Variants in SH2D3A observed in about 807,000 individuals in gnomAD.
The protein encoded by SH2D3A is SH2 domain containing 3A.
In SH2D3A, 46 loss-of-function variants were observed where a neutral mutation model predicts 50.6. That is an observed-to-expected ratio of 0.91 (90% CI 0.72 to 1.16). The LOEUF (loss-of-function observed/expected upper bound fraction) is 1.16, where lower values mean the gene tolerates loss of function less well. Ranked by LOEUF, SH2D3A falls within the 50% of genes most tolerant of loss-of-function variation. The pLI is 0.00. For synonymous variants in SH2D3A, 377 were observed against 348.4 expected, an observed-to-expected ratio of 1.08 and a Z score of -0.91; for missense variants, 783 against 786.2, an observed-to-expected ratio of 1.00 and a Z score of 0.05.
At chr19:6,765,525 A>G (rs561684163) in intron 1 of SH2D3A, among the ~76,000 whole-genome samples, 2 of 152,138 alleles carry the variant, frequency 1.3e-5, no homozygotes, top group African/African-American at 4.8e-5. Context: ...AGGTGGGTGG[A>G]TCATCTGAGG....
chr19:6,761,065 GC>G, intron 2 of SH2D3A, 78 bp from the exon 3 acceptor site: 1 of 1,146,352 alleles, frequency 8.7e-7, no homozygotes. Flanking sequence ...CCCCACCATT[GC>G]CCCCACCACC....
chr19:6,754,496 A>G (rs967216215), intron 6 of SH2D3A, 71 bp from the exon 7 acceptor site: 13 of 1,548,036 alleles, frequency 8.4e-6, no homozygotes, highest in Middle Eastern at 4.2e-4. Flanking sequence ...GGGGGACAGG[A>G]GGTGGCATTG....
intron 3 of SH2D3A, among the ~76,000 whole-genome samples, chr19:6,760,321 G>A (rs1186939184): frequency 4.6e-5 from 7 of 151,724 alleles, no homozygotes; most frequent in Non-Finnish European, 8.8e-5. Flanking sequence ...GGTTGCAGTG[G>A]GCTGAGATCG....
At position 6,752,485 on chromosome 19, in the gene SH2D3A, G is replaced by A; in HGVS notation, c.*108C>T. 9.1e-7 allele frequency: 1 copy of A among 1,103,648 alleles called. No homozygotes were observed. Among genetic ancestry groups the A allele is most frequent in the Admixed American group, 3.0e-5 (1 of 33,090 alleles). 68.4% of individuals were successfully genotyped at this position (1,103,648 alleles called of 1,614,324 possible). A position where few individuals can be genotyped will look rare whatever the true frequency, so the allele number is the denominator to read the frequency against. On this transcript the variant is annotated 3_prime_UTR_variant, in exon 10 of 10. Coordinates refer to ENST00000245908, the MANE Select transcript of SH2D3A (RefSeq NM_005490.3). The stretch of plus-strand genomic sequence containing the variant: ...GTCCCCACCTCTTCTGTGAGGCACA[G>A]GGCAGGATTCCACCTGAGGCGCGAG...
At chr19:6,761,424 CTA>C (rs1248481937) in intron 2 of SH2D3A, among the ~76,000 whole-genome samples, 3 of 152,216 alleles carry the variant, frequency 2.0e-5, no homozygotes, top group Non-Finnish European at 1.5e-5. Flanking sequence ...CCACCTTGGA[CTA>C]TGACATTAAC....
At chr19:6,759,817 G>C (rs1307651988) in intron 3 of SH2D3A, 147 bp from the exon 4 acceptor site, 4 of 686,476 alleles carry the variant, frequency 5.8e-6, no homozygotes, top group East Asian at 5.5e-5. Flanking sequence ...TTAGCAACGT[G>C]TGGAGACATC....
intron 2 of SH2D3A, among the ~76,000 whole-genome samples, chr19:6,763,451 T>C (rs182345618): frequency 2.0e-5 from 3 of 152,238 alleles, no homozygotes; most frequent in Admixed American, 2.0e-4. Flanking sequence ...TTTGGGGGCA[T>C]TAGGACTCTC....
In SH2D3A at chr19:6,753,501, G is replaced by A. The variant is rs2145569827; in HGVS notation, c.1525C>T (p.Arg509Trp). The A allele has an allele frequency of 6.4e-7, 1 of 1,554,370 alleles. No homozygotes were observed. The highest frequency in any genetic ancestry group is 8.7e-7 in the Non-Finnish European group (1 of 1,149,354). The change falls in exon 9 of 10, where the codon CGG becomes TGG. Residue 509 changes from arginine to tryptophan, a missense_variant. Arg to Trp is a moderately radical substitution (Grantham distance 101, BLOSUM62 -3). Transcript: ENST00000245908. ...RTLHGARHMVRDAPKFRKVAA... is the reference protein window; with the variant it reads ...RTLHGARHMVWDAPKFRKVAA... ...ACCTTGCGGAATTTGGGTGCGTCCCGGACCATGTGACGCGCCCCGTGCAGG... is the reference window on the plus strand; with the variant it reads ...ACCTTGCGGAATTTGGGTGCGTCCCAGACCATGTGACGCGCCCCGTGCAGG...
At chr19:6,759,854 A>G (rs867865246) in intron 3 of SH2D3A, among the ~76,000 whole-genome samples, 184 bp from the exon 4 acceptor site, 25 of 152,146 alleles carry the variant, frequency 1.6e-4, no homozygotes, top group African/African-American at 5.8e-4. Context: ...AGTAGCATCT[A>G]GTTGGATGGA....
chr19:6,752,929 T>C (rs1007492975), intron 9 of SH2D3A, 176 bp from the exon 10 acceptor site: 1 of 984,208 alleles, frequency 1.0e-6, no homozygotes, highest in African/African-American at 1.8e-5. Flanking sequence ...TCCAGCTCTC[T>C]GCAGGAATGG....
Position 6,759,618 on chromosome 19 carries a change from A to T in SH2D3A, c.472T>A (p.Ser158Thr), listed in dbSNP as rs1194884220. The T allele has an allele frequency of 1.2e-6, 2 of 1,613,730 alleles. No homozygotes were observed. ...QPADLAHMGR[S>T]REDPAGMEAS... is the part of the protein sequence containing the mutation. ...CCCATCCCAGCGGGGTCTTCTCTTG[A>T]CCGCCCCATATGTGCCAAATCTGCA... is the stretch of plus-strand genomic sequence containing the variant. The change falls in exon 4 of 10, where the codon TCA (serine) becomes ACA (threonine). Residue 158 changes from serine to threonine, a missense_variant. By Grantham distance (58) the Ser-to-Thr change is moderately conservative. Coordinates refer to ENST00000245908, the MANE Select transcript of SH2D3A (RefSeq NM_005490.3).
At chr19:6,760,308 G>A (rs558595132) in intron 3 of SH2D3A, among the ~76,000 whole-genome samples, 128 of 152,286 alleles carry the variant, frequency 8.4e-4, no homozygotes, top group Middle Eastern at 3.4e-3. Context: ...CCCGGGAGGC[G>A]GAGGTTGCAG....
At chr19:6,763,890 A>T (rs1255486537) in intron 1 of SH2D3A, 74 bp from the exon 2 acceptor site, 1 of 369,352 alleles carries the variant, frequency 2.7e-6, no homozygotes, top group Non-Finnish European at 4.9e-6. Flanking sequence ...AATTTTGGAG[A>T]CAGCTCCATC....
chr19:6,757,091 T>G (rs1428670273), intron 4 of SH2D3A, among the ~76,000 whole-genome samples: 3 of 151,970 alleles, frequency 2.0e-5, no homozygotes, highest in African/African-American at 7.3e-5. Context: ...GGTCTTGATC[T>G]CTTGACCTCG....
Position 6,759,621 on chromosome 19 carries a change from GC to G in SH2D3A, c.468del (p.Arg157GlyfsTer29). The G allele has an allele frequency of 6.2e-7, 1 of 1,613,824 alleles. No individual in the cohort carries two copies. The highest frequency in any genetic ancestry group is 2.2e-5 in the East Asian group (1 of 44,864). On this transcript the variant is annotated frameshift_variant, in exon 4 of 10. Coordinates refer to ENST00000245908, the MANE Select transcript of SH2D3A (RefSeq NM_005490.3). LOFTEE classifies it high-confidence loss of function. The stretch of plus-strand genomic sequence containing the variant: ...ATCCCAGCGGGGTCTTCTCTTGACC[GC>G]CCCATATGTGCCAAATCTGCAGGCT... The part of the protein sequence containing the change: ...NSQPADLAHM[G>X]RSREDPAGME...
Position 6,754,239 on chromosome 19 carries a change from C to T in SH2D3A, c.1272+12G>A. 2 of 1,603,268 alleles carry T rather than the reference C, an allele frequency of 1.2e-6. No individual in the cohort carries two copies. The highest frequency in any genetic ancestry group is 8.5e-7 in the Non-Finnish European group (1 of 1,177,962). On this transcript the variant is annotated intron_variant, in intron 7 of 9. Transcript: ENST00000245908. The stretch of plus-strand genomic sequence containing the variant: ...GCACTCCAGCTTCCTCCAGTCCCTG[C>T]TCCCCACGAACCTGGGGCATGAGCA...
chr19:6,761,027 G>A (rs1336276046), intron 2 of SH2D3A, 40 bp from the exon 3 acceptor site: 2 of 1,487,584 alleles, frequency 1.3e-6, no homozygotes, highest in South Asian at 1.3e-5. Context: ...TTAGGAATGA[G>A]TCCAGGGCAG....
chr19:6,754,267 G>A lies in SH2D3A; in HGVS notation c.1256C>T (p.Ala419Val). ...CCCACGAACCTGGGGCATGAGCAGG[G>A]CGCCCATGACTGCAGCCAGCCCGGG... ...DLPGLAAVMG[A>V]LLMPQVSRLE... The change falls in exon 7 of 10, where the codon GCC (alanine) becomes GTC (valine). Residue 419 changes from alanine to valine, a missense_variant. Transcript: ENST00000245908. The A allele has an allele frequency of 6.3e-7, 1 of 1,595,468 alleles. No individual in the cohort carries two copies. Among genetic ancestry groups the A allele is most frequent in the Non-Finnish European group, 8.5e-7 (1 of 1,176,600 alleles).
intron 1 of SH2D3A, among the ~76,000 whole-genome samples, chr19:6,764,815 C>T (rs965000490): frequency 6.6e-6 from 1 of 151,786 alleles, no homozygotes; most frequent in African/African-American, 2.4e-5. Context: ...AAGTGATTCT[C>T]CCACCTCATC....
Sources: allele counts gnomAD v4.1 joint callset (sites outside exome capture counted in the v4.1 genomes callset), GRCh38; gene constraint gnomAD v4.1.1; transcripts MANE v1.5; gene names NCBI Gene and HGNC (gene_info 2026-07-23, HGNC 2026-07-21).